The following SLC45A2 variants were observed in gnomAD, a reference collection of about 807,000 sequenced individuals.
SLC45A2 encodes the protein solute carrier family 45 member 2, also known as membrane-associated transporter protein.
SLC45A2 carries 36 observed loss-of-function variants against 45.5 expected under a neutral mutation model. The observed-to-expected ratio is 0.79, with a 90% CI of 0.61 to 1.04. SLC45A2 has a LOEUF of 1.04. SLC45A2 is among the 50% of genes least tolerant of loss of function. SLC45A2 has a pLI of 0.00. For synonymous variants in SLC45A2, 306 were observed against 269.3 expected (o/e 1.14, Z -1.33); for missense variants, 719 against 671.0 (o/e 1.07, Z -0.79).
rs6882521 is a variant in SLC45A2 at position 33,952,049 on chromosome 5, C to T, written c.1033-372G>A. Among the ~76,000 whole-genome samples the T allele has an allele frequency of 1.7e-3, 258 of 152,274 alleles. 1 individual carries two copies. Among genetic ancestry groups the T allele is most frequent in the African/African-American group, 6.0e-3 (250 of 41,558 alleles). On this transcript the variant is annotated intron_variant, in intron 4 of 6. Coordinates refer to ENST00000296589, the MANE Select transcript of SLC45A2 (RefSeq NM_016180.5). The stretch of plus-strand genomic sequence containing the variant: ...TTCCTGCTTGGAATGTTTTCTCCCT[C>T]TCTAATATTCCTCTAACTCCTACTC...
At chr5:33,952,914 A>G (rs1164466796) in intron 4 of SLC45A2, among the ~76,000 whole-genome samples, 4 of 103,346 alleles carry the variant, frequency 3.9e-5, no homozygotes, top group East Asian at 2.8e-4. Context: ...TCATTGTTCA[A>G]TTCCCACCTA....
At chr5:33,967,572 A>G (rs1354271744) in intron 2 of SLC45A2, among the ~76,000 whole-genome samples, 1 of 152,200 alleles carries the variant, frequency 6.6e-6, no homozygotes, top group African/African-American at 2.4e-5. Flanking sequence ...CTTTGTTGTC[A>G]CAGGATATTT....
At chr5:33,976,617 T>C (rs989630277) in intron 2 of SLC45A2, among the ~76,000 whole-genome samples, 1 of 151,994 alleles carries the variant, frequency 6.6e-6, no homozygotes, top group Admixed American at 6.6e-5. Context: ...GAGATTTTTT[T>C]CCCCTCCCTG....
chr5:33,967,682 AT>A (rs1343861029), intron 2 of SLC45A2, among the ~76,000 whole-genome samples: 5 of 152,130 alleles, frequency 3.3e-5, no homozygotes, highest in Non-Finnish European at 7.3e-5. Flanking sequence ...TGGTAGGGAA[AT>A]TACTCCAAAA....
At chr5:33,971,855 G>A (rs772922367) in intron 2 of SLC45A2, among the ~76,000 whole-genome samples, 2 of 152,096 alleles carry the variant, frequency 1.3e-5, no homozygotes, top group Admixed American at 6.5e-5. Context: ...TCGAACTCCC[G>A]ACCTCAGGTA....
intron 2 of SLC45A2, among the ~76,000 whole-genome samples, chr5:33,966,845 C>T (rs962115023): frequency 6.6e-6 from 1 of 152,108 alleles, no homozygotes; most frequent in Non-Finnish European, 1.5e-5. Context: ...AAGCTATGAG[C>T]TTTAGTGACT....
At chr5:33,970,901 C>CA (rs1464367602) in intron 2 of SLC45A2, 1 of 371,334 alleles carries the variant, frequency 2.7e-6, no homozygotes, top group Non-Finnish European at 5.2e-6. Context: ...AGGACTACAG[C>CA]AAGAAGCTGC....
chr5:33,946,361 T>C, intron 6 of SLC45A2: 1 of 985,510 alleles, frequency 1.0e-6, no homozygotes, highest in Non-Finnish European at 1.2e-6. Flanking sequence ...GATGGTTATA[T>C]GTTCAGTGTT....
At position 33,970,064 on chromosome 5, in the gene SLC45A2, G is replaced by A. The variant is rs149523142; in HGVS notation, c.563-6048C>T. 5.3e-3 allele frequency among the ~76,000 whole-genome samples: 807 copies of A among 152,296 alleles called. 10 individuals carry two copies. The highest frequency in any genetic ancestry group is 0.019 in the African/African-American group (783 of 41,568). On this transcript the variant is annotated intron_variant, in intron 2 of 6. Coordinates refer to ENST00000296589, the MANE Select transcript of SLC45A2 (RefSeq NM_016180.5). ...TGACCAGGGAGCACAGGGCACAAATGCTAGAATGAAAAAGCTGCAGACTAG... is the reference window on the plus strand; with the variant it reads ...TGACCAGGGAGCACAGGGCACAAATACTAGAATGAAAAAGCTGCAGACTAG...
chr5:33,944,918 C>T (rs1579529907), intron 6 of SLC45A2, 46 bp from the exon 7 acceptor site: 1 of 1,567,862 alleles, frequency 6.4e-7, no homozygotes, highest in Non-Finnish European at 8.7e-7. Context: ...AAGGAACTGT[C>T]ATTTAGGGCA....
intron 3 of SLC45A2, among the ~76,000 whole-genome samples, chr5:33,955,929 C>T (rs562211647): frequency 1.3e-5 from 2 of 152,160 alleles, no homozygotes; most frequent in South Asian, 4.2e-4. Context: ...TGGTGAAACA[C>T]TGATTTTTTT....
chr5:33,957,153 A>G (rs1752298877), intron 3 of SLC45A2, among the ~76,000 whole-genome samples: 1 of 152,180 alleles, frequency 6.6e-6, no homozygotes, highest in African/African-American at 2.4e-5. Context: ...GCATCTTGTC[A>G]TATAAGAGAA....
intron 2 of SLC45A2, among the ~76,000 whole-genome samples, chr5:33,976,324 A>C (rs1408956608): frequency 6.6e-6 from 1 of 152,120 alleles, no homozygotes; most frequent in Non-Finnish European, 1.5e-5. Flanking sequence ...TTATCCTCTC[A>C]CTCATTCACA....
chr5:33,973,688 C>A (rs1752847927), intron 2 of SLC45A2, among the ~76,000 whole-genome samples: 1 of 152,190 alleles, frequency 6.6e-6, no homozygotes, highest in South Asian at 2.1e-4. Context: ...ACAAGTTACC[C>A]ATTCTTCTTC....
intron 2 of SLC45A2, among the ~76,000 whole-genome samples, chr5:33,971,628 T>A (rs1489602110): frequency 6.7e-6 from 1 of 150,336 alleles, no homozygotes; most frequent in Non-Finnish European, 1.5e-5. Flanking sequence ...TAATTAATTA[T>A]TTTTTATTTT....
intron 2 of SLC45A2, among the ~76,000 whole-genome samples, chr5:33,979,314 A>T (rs950151554): frequency 2.6e-5 from 4 of 152,244 alleles, no homozygotes; most frequent in African/African-American, 9.6e-5. Flanking sequence ...TGAAAGAGTT[A>T]TCTATAGACT....
At chr5:33,966,416 G>A (rs1752603688) in intron 2 of SLC45A2, among the ~76,000 whole-genome samples, 1 of 149,700 alleles carries the variant, frequency 6.7e-6, no homozygotes, top group Non-Finnish European at 1.5e-5. Context: ...CATAATGGGA[G>A]AAGCTACTTT....
chr5:33,961,128 G>C (rs1269653650), intron 3 of SLC45A2, among the ~76,000 whole-genome samples: 3 of 152,100 alleles, frequency 2.0e-5, no homozygotes, highest in East Asian at 3.9e-4. Flanking sequence ...GAATGCACAA[G>C]TGAATGAACC....
At chr5:33,970,994 A>AATG (rs1453873257) in intron 2 of SLC45A2, 1 of 497,478 alleles carries the variant, frequency 2.0e-6, no homozygotes, top group Admixed American at 2.1e-5. Flanking sequence ...AAAGTCTGAA[A>AATG]ATGATCTGAA....
Sources: allele counts gnomAD v4.1 joint callset (sites outside exome capture counted in the v4.1 genomes callset), GRCh38; gene constraint gnomAD v4.1.1; transcripts MANE v1.5; gene names NCBI Gene and HGNC (gene_info 2026-07-23, HGNC 2026-07-21).